Variants in SV2C observed in about 807,000 individuals in gnomAD.
SV2C encodes the protein synaptic vesicle glycoprotein 2C.
SV2C carries 49 observed loss-of-function variants against 79.7 expected under a neutral mutation model. That is an observed-to-expected ratio of 0.61 (90% confidence interval 0.49 to 0.78). SV2C has a LOEUF of 0.78. Ranked by LOEUF, SV2C falls within the 30% of genes least tolerant of loss-of-function variation. The pLI is 0.00. For synonymous variants in SV2C, 334 were observed against 333.2 expected (o/e 1.00, Z -0.03); for missense variants, 833 against 912.9 (o/e 0.91, Z 1.13).
the SV2C span, chr5:75,921,219 G>T: frequency 8.7e-7 from 1 of 1,146,750 alleles, no homozygotes; most frequent in Non-Finnish European, 1.3e-6. Flanking sequence ...GCCGAGATGT[G>T]GTCAGTGGGA....
At chr5:76,109,561 G>A (rs893865107) in intron 1 of SV2C, among the ~76,000 whole-genome samples, 16 of 152,158 alleles carry the variant, frequency 1.1e-4, no homozygotes, top group African/African-American at 2.7e-4. Context: ...GCCCTTGTTT[G>A]GAAGTAAGGT....
chr5:76,336,143 C>T (rs1486669335), downstream of SV2C, among the ~76,000 whole-genome samples: 2 of 132,814 alleles, frequency 1.5e-5, no homozygotes, highest in South Asian at 4.9e-4. Flanking sequence ...GCTGGCCTGG[C>T]GGGGGCTGAC....
At chr5:76,350,811 C>T (rs971954678) in intron 12 of SV2C, among the ~76,000 whole-genome samples, 8 of 152,154 alleles carry the variant, frequency 5.3e-5, no homozygotes, top group East Asian at 1.9e-4. Flanking sequence ...GTCAAGAGAT[C>T]CAGACCATCC....
the SV2C span, among the ~76,000 whole-genome samples, chr5:75,882,369 T>A: frequency 6.8e-6 from 1 of 146,660 alleles, no homozygotes; most frequent in Non-Finnish European, 1.5e-5. Context: ...CAAGCTCCAA[T>A]GACTTCCTTC....
chr5:75,975,843 GTC>G, the SV2C span, among the ~76,000 whole-genome samples: 3 of 152,164 alleles, frequency 2.0e-5, no homozygotes, highest in Non-Finnish European at 1.5e-5. Context: ...GGCAGCATCG[GTC>G]TCTCTATCCC....
chr5:75,992,370 C>T, the SV2C span, among the ~76,000 whole-genome samples: 1 of 151,884 alleles, frequency 6.6e-6, no homozygotes, highest in African/African-American at 2.4e-5. Context: ...TATATGCAGT[C>T]CTCACTTTGC....
chr5:76,109,514 AAAT>A (rs1306565982), intron 1 of SV2C, among the ~76,000 whole-genome samples: 6 of 152,194 alleles, frequency 3.9e-5, no homozygotes, highest in African/African-American at 1.4e-4. Context: ...CCCCGAAAAG[AAAT>A]GTTAAAGTCC....
rs182515511 is a variant in SV2C, at chr5:76,328,634, C to T, written c.*3087C>T. The T allele has an allele frequency of 1.2e-4, 19 of 152,336 alleles. No homozygotes were observed. Among genetic ancestry groups the T allele is most frequent in the African/African-American group, 4.3e-4 (18 of 41,560 alleles). 9.4% of individuals were successfully genotyped at this position (152,336 alleles called of 1,614,324 possible). ...AGATCTTGCTGTGGAGACTGTAAGT[C>T]GTTGAACATCTCTAGTTCTCACTTT... On this transcript the variant is annotated 3_prime_UTR_variant, in exon 13 of 13. Transcript: ENST00000502798.
At chr5:76,237,916 A>C (rs1336899754) in intron 4 of SV2C, among the ~76,000 whole-genome samples, 1 of 151,532 alleles carries the variant, frequency 6.6e-6, no homozygotes, top group Non-Finnish European at 1.5e-5. Flanking sequence ...CACTTTGCTG[A>C]GATTTATTGA....
the SV2C span, among the ~76,000 whole-genome samples, chr5:76,035,188 C>G: frequency 1.3e-5 from 2 of 150,426 alleles, no homozygotes; most frequent in African/African-American, 4.9e-5. Flanking sequence ...TTGATCCTTT[C>G]AAAAAACCAG....
chr5:75,964,823 C>T, the SV2C span, among the ~76,000 whole-genome samples: 77 of 152,000 alleles, frequency 5.1e-4, no homozygotes, highest in Middle Eastern at 3.4e-3. Flanking sequence ...TCTTGGGGTA[C>T]GGAAGGATAT....
the SV2C span, among the ~76,000 whole-genome samples, chr5:75,969,500 CAAAA>C: frequency 6.6e-6 from 1 of 151,662 alleles, no homozygotes; most frequent in Non-Finnish European, 1.5e-5. Flanking sequence ...AAATGGAAAA[CAAAA>C]AAAGGCAGGC....
upstream of SV2C, chr5:76,078,780 G>A: frequency 1.7e-6 from 1 of 584,778 alleles, no homozygotes; most frequent in African/African-American, 1.9e-5. Flanking sequence ...GGCAGAGTCT[G>A]CACACCTGGC....
chr5:76,189,176 C>A (rs1744020098), intron 2 of SV2C, among the ~76,000 whole-genome samples: 1 of 151,568 alleles, frequency 6.6e-6, no homozygotes, highest in Non-Finnish European at 1.5e-5. Context: ...ACCTTGGCAC[C>A]TTTGTCCAAG....
the SV2C span, among the ~76,000 whole-genome samples, chr5:76,052,247 T>C: frequency 6.6e-6 from 1 of 152,214 alleles, no homozygotes; most frequent in East Asian, 1.9e-4. Flanking sequence ...AGTTATATTA[T>C]TGATTAAACA....
intron 2 of SV2C, among the ~76,000 whole-genome samples, chr5:76,192,249 A>G (rs1265940070): frequency 6.6e-6 from 1 of 152,152 alleles, no homozygotes; most frequent in East Asian, 1.9e-4. Flanking sequence ...GTGGGTTTGG[A>G]GTGGCGTCTA....
chr5:76,070,618 T>A, the SV2C span, among the ~76,000 whole-genome samples: 1 of 152,238 alleles, frequency 6.6e-6, no homozygotes, highest in Non-Finnish European at 1.5e-5. Context: ...GGGTGGTATG[T>A]AGAAGGTGGC....
intron 4 of SV2C, among the ~76,000 whole-genome samples, chr5:76,245,249 G>GGAAT (rs1037612641): frequency 5.9e-5 from 9 of 152,070 alleles, no homozygotes; most frequent in East Asian, 1.9e-4. Flanking sequence ...AAATTTTGTA[G>GGAAT]GAATGAATGA....
At chr5:76,090,099 A>G (rs1369262871) in intron 1 of SV2C, among the ~76,000 whole-genome samples, 1 of 152,238 alleles carries the variant, frequency 6.6e-6, no homozygotes, top group Non-Finnish European at 1.5e-5. Context: ...AAGGTAGTCC[A>G]GAGGATTCAG....
Sources: gnomAD v4.1 joint callset for allele counts (sites outside exome capture counted in the v4.1 genomes callset) on GRCh38, gnomAD v4.1.1 for gene constraint, MANE v1.5 for transcripts, NCBI Gene and HGNC (gene_info 2026-07-23, HGNC 2026-07-21) for gene names.